Variants in PCDHA9 observed in about 807,000 individuals in gnomAD.
PCDHA9 encodes protocadherin alpha 9, also known as protocadherin alpha-9.
Under a neutral mutation model 62.0 loss-of-function variants are expected in PCDHA9, and 62 were observed. That is an observed-to-expected ratio of 1.00 (90% confidence interval 0.81 to 1.23). The LOEUF is 1.23. PCDHA9 is among the 50% of genes most tolerant of loss of function. The probability of loss-of-function intolerance (pLI) is 0.00; values close to 1 mark genes in which losing one functional copy is unlikely to be tolerated. For synonymous variants in PCDHA9, 557 were observed against 567.6 expected (o/e 0.98, Z 0.27); for missense variants, 1,205 against 1,249.8 (o/e 0.96, Z 0.54).
intron 1 of PCDHA9, among the ~76,000 whole-genome samples, chr5:140,885,230 T>G (rs2060523657): frequency 6.6e-6 from 1 of 152,166 alleles, no homozygotes; most frequent in Non-Finnish European, 1.5e-5. Flanking sequence ...GTGATTCTGC[T>G]TTCAATTTTT....
chr5:140,927,621 A>G (rs141117468), intron 1 of PCDHA9: 25 of 1,614,198 alleles, frequency 1.5e-5, no homozygotes, highest in Middle Eastern at 3.3e-4. Context: ...CCAAGGTTCC[A>G]GAGACTGCAC....
intron 1 of PCDHA9, chr5:140,882,667 C>T (rs576133039): frequency 1.2e-6 from 2 of 1,614,160 alleles, no homozygotes; most frequent in Non-Finnish European, 1.7e-6. Flanking sequence ...CGCCCATATT[C>T]CCTGAAAGCA....
intron 1 of PCDHA9, chr5:140,927,671 C>T (rs2084485955): frequency 6.2e-7 from 1 of 1,614,198 alleles, no homozygotes; most frequent in Non-Finnish European, 8.5e-7. Context: ...GCCTTGGATC[C>T]AGATGAAGGG....
At chr5:140,941,424 C>A (rs909959554) in intron 1 of PCDHA9, among the ~76,000 whole-genome samples, 2 of 148,790 alleles carry the variant, frequency 1.3e-5, no homozygotes, top group African/African-American at 5.0e-5. Flanking sequence ...TCAAGCAATT[C>A]TCTGCCTCAG....
intron 1 of PCDHA9, among the ~76,000 whole-genome samples, chr5:140,952,338 CAAAA>C (rs55931446): frequency 9.9e-4 from 134 of 134,976 alleles, no homozygotes; most frequent in Admixed American, 2.2e-3. Context: ...AACTCCATCT[CAAAA>C]AAAAAAAAAA....
In PCDHA9 at chr5:140,883,718, G is replaced by A. The variant is rs376943163; in HGVS notation, c.2394+32829G>A. 7 of 1,613,642 alleles carry A rather than the reference G, an allele frequency of 4.3e-6. No homozygotes were observed. The South Asian group carries it at 6.6e-5, about 15-fold the overall frequency. ...CACGGTGTCTGCTCAGGACGCGGAC[G>A]CACAGGAGAACGCGCTGGTCTCCTA... On this transcript the variant is annotated intron_variant, in intron 1 of 3. Transcript: ENST00000532602.
intron 1 of PCDHA9, chr5:140,853,468 T>A: frequency 1.0e-6 from 1 of 970,862 alleles, no homozygotes. Flanking sequence ...TATGCATCTG[T>A]AGTTAACATT....
chr5:140,930,768 C>G (rs1049798577), intron 1 of PCDHA9, among the ~76,000 whole-genome samples: 2 of 152,094 alleles, frequency 1.3e-5, no homozygotes, highest in South Asian at 2.1e-4. Context: ...ATTTTCTGTA[C>G]TTAATATTTT....
intron 3 of PCDHA9, among the ~76,000 whole-genome samples, chr5:140,998,878 T>C (rs1379445555): frequency 6.6e-6 from 1 of 152,218 alleles, no homozygotes; most frequent in Non-Finnish European, 1.5e-5. Context: ...ATAATAAGTT[T>C]AGTTGAATAA....
At chr5:140,889,113 G>C (rs1256051132) in intron 1 of PCDHA9, among the ~76,000 whole-genome samples, 1 of 151,370 alleles carries the variant, frequency 6.6e-6, no homozygotes, top group East Asian at 1.9e-4. Context: ...TTTATTCCAG[G>C]TGATACTGAT....
intron 1 of PCDHA9, among the ~76,000 whole-genome samples, chr5:140,879,587 G>A (rs904371743): frequency 6.6e-6 from 1 of 152,186 alleles, no homozygotes. Context: ...GACAGACATT[G>A]AAAAGTGAAA....
At chr5:140,890,700 A>T (rs1265643590) in intron 1 of PCDHA9, among the ~76,000 whole-genome samples, 1 of 152,214 alleles carries the variant, frequency 6.6e-6, no homozygotes, top group East Asian at 1.9e-4. Context: ...CAGGGACCTT[A>T]CATTTTTAAA....
intron 1 of PCDHA9, chr5:140,928,181 C>T (rs782130459): frequency 2.5e-6 from 4 of 1,614,186 alleles, no homozygotes; most frequent in Non-Finnish European, 3.4e-6. Flanking sequence ...ACCCGAAGGA[C>T]AATCACTGTG....
chr5:140,969,147 A>G (rs781909774), intron 1 of PCDHA9: 1 of 1,614,172 alleles, frequency 6.2e-7, no homozygotes, highest in Non-Finnish European at 8.5e-7. Flanking sequence ...TACTGCTACA[A>G]GGCCTGTCTG....
chr5:140,924,902 A>AAAAAT (rs1554202311), intron 1 of PCDHA9, among the ~76,000 whole-genome samples: 1 of 39,026 alleles, frequency 2.6e-5, no homozygotes, highest in Non-Finnish European at 6.3e-5. Context: ...CTCAAAAAAA[A>AAAAAT]AAATAAAATA....
intron 1 of PCDHA9, among the ~76,000 whole-genome samples, chr5:140,893,546 A>T (rs765690335): frequency 2.0e-5 from 3 of 152,210 alleles, no homozygotes; most frequent in Non-Finnish European, 4.4e-5. Context: ...TGTAGGACTT[A>T]TCTAGTTGTA....
At chr5:140,922,068 A>C (rs1554200634) in intron 1 of PCDHA9, among the ~76,000 whole-genome samples, 1 of 152,196 alleles carries the variant, frequency 6.6e-6, no homozygotes, top group African/African-American at 2.4e-5. Context: ...TAGCAATCCC[A>C]CTAAGCAAAA....
In PCDHA9 at chr5:140,857,513, G is replaced by T. The variant is rs781950263; in HGVS notation, c.2394+6624G>T. 3 of 1,598,208 alleles carry T rather than the reference G, an allele frequency of 1.9e-6. No individual in the cohort carries two copies. In the South Asian group the frequency reaches 3.3e-5, roughly 18 times the overall value. On this transcript the variant is annotated intron_variant, in intron 1 of 3. Transcript: ENST00000532602. ...CGCGGACGCGCAGGAGAACGCCCTG[G>T]TGTCCTACTCTCTGGTGGAGCGGCG...
chr5:140,929,311 A>G lies in PCDHA9; in HGVS notation c.2395-49638A>G, dbSNP rs782099747. The stretch of plus-strand genomic sequence containing the variant: ...TCGGAATAGGAAAGGGGATCACGCT[A>G]ATGTCAATGCCATGGTAAGCAAATT... On this transcript the variant is annotated intron_variant, in intron 1 of 3. Coordinates refer to ENST00000532602, the MANE Select transcript of PCDHA9 (RefSeq NM_031857.2). The G allele has an allele frequency of 1.9e-6, 3 of 1,567,640 alleles. No individual in the cohort carries two copies. The South Asian group carries it at 3.5e-5, about 18-fold the overall frequency.
Sources: gnomAD v4.1 joint callset for allele counts (sites outside exome capture counted in the v4.1 genomes callset) on GRCh38, gnomAD v4.1.1 for gene constraint, MANE v1.5 for transcripts, NCBI Gene and HGNC (gene_info 2026-07-23, HGNC 2026-07-21) for gene names.